MAP3K4: variants seen among roughly 807,000 people sequenced by gnomAD.
MAP3K4 encodes the protein mitogen-activated protein kinase kinase kinase 4, also known as MAP three kinase 1.
A neutral mutation model predicts 185.6 loss-of-function variants in MAP3K4; 67 were observed. The observed-to-expected ratio is 0.36, with a 90% confidence interval of 0.30 to 0.44. MAP3K4 has a LOEUF of 0.44. Among genes scored for constraint, MAP3K4 ranks in the 20% least tolerant of loss-of-function variants. MAP3K4 has a pLI of 1.00. For synonymous variants in MAP3K4, 702 were observed against 710.4 expected, an observed-to-expected ratio of 0.99 and a Z score of 0.19; for missense variants, 1,551 against 1,995.1, an observed-to-expected ratio of 0.78 and a Z score of 4.24.
In MAP3K4 at chr6:161,054,437, G is replaced by T. The variant is rs565383925; in HGVS notation, c.1707+4458G>T. ...CCCAAAGTGCTGGGATGATAGGTGTGAGCCACCGCGCCCGGCCCAAACTAA... is the reference window on the plus strand; with the variant it reads ...CCCAAAGTGCTGGGATGATAGGTGTTAGCCACCGCGCCCGGCCCAAACTAA... On this transcript the variant is annotated intron_variant, in intron 3 of 26. Transcript: ENST00000392142. The surrounding 1 kb of genome is among the most constrained non-coding windows in gnomAD (Gnocchi z 4.2). 2.0e-4 allele frequency among the ~76,000 whole-genome samples: 30 copies of T among 152,126 alleles called. No homozygotes were observed.
intron 13 of MAP3K4, 106 bp from the exon 14 acceptor site, chr6:161,092,872 C>A (rs551555334): frequency 1.5e-6 from 1 of 653,306 alleles, no homozygotes; most frequent in East Asian, 2.8e-5. Context: ...AGTGTCTTGT[C>A]CTAAATAGTA....
chr6:161,098,225 A>C lies in MAP3K4; in HGVS notation c.3525-53A>C. The C allele has an allele frequency of 6.7e-7, 1 of 1,497,224 alleles. No homozygotes were observed. Among genetic ancestry groups the C allele is most frequent in the Non-Finnish European group, 8.9e-7 (1 of 1,117,440 alleles). 92.7% of individuals were successfully genotyped at this position (1,497,224 alleles called of 1,614,324 possible). A position where few individuals can be genotyped will look rare whatever the true frequency, so the allele number is the denominator to read the frequency against. On this transcript the variant is annotated intron_variant, in intron 16 of 26. Coordinates refer to ENST00000392142, the MANE Select transcript of MAP3K4 (RefSeq NM_005922.4). The surrounding 1 kb of genome is among the most constrained non-coding windows in gnomAD (Gnocchi z 4.4). ...TTATTTTTAATTGAAAACAATTTTC[A>C]AGTCCGTTCCCTCTTCTCACATGTG...
At chr6:161,081,139 G>A (rs2114841608) in intron 6 of MAP3K4, 101 bp downstream of exon 6, 1 of 1,290,122 alleles carries the variant, frequency 7.8e-7, no homozygotes, top group East Asian at 2.5e-5. Context: ...TTAGTTACAT[G>A]AAAATTGCAG....
At chr6:161,016,864 G>A (rs1263025173) in intron 1 of MAP3K4, among the ~76,000 whole-genome samples, 2 of 152,162 alleles carry the variant, frequency 1.3e-5, no homozygotes, top group Non-Finnish European at 2.9e-5. Flanking sequence ...GCACATAATA[G>A]CTTTTTGTAA....
In MAP3K4 at chr6:161,116,745, A is replaced by G; in HGVS notation, c.4807-105A>G. 3 of 941,654 alleles carry G rather than the reference A, an allele frequency of 3.2e-6. No individual in the cohort carries two copies. The highest frequency in any genetic ancestry group is 2.1e-4 in the Middle Eastern group (1 of 4,668). 58.3% of individuals were successfully genotyped at this position (941,654 alleles called of 1,614,324 possible). ...CTGTGCCCAGTACAGTGCTGGGAGC[A>G]TCAGGATGAGTGGATGGGGCCTTCC... On this transcript the variant is annotated intron_variant, in intron 26 of 26. Transcript: ENST00000392142. The surrounding 1 kb of genome is among the most constrained non-coding windows in gnomAD (Gnocchi z 6.2).
intron 17 of MAP3K4, among the ~76,000 whole-genome samples, chr6:161,099,702 G>T (rs970054206): frequency 6.6e-6 from 1 of 152,224 alleles, no homozygotes. Flanking sequence ...CACACCTGCT[G>T]TGTCCATGTT....
chr6:161,017,773 T>TA lies in MAP3K4; in HGVS notation c.153-16485dup, dbSNP rs893739826. ...TAAAGACACTGCTGTGTGATCCTATTATATAATACTTAGCTACATCATGTA... is the reference window on the plus strand; with the variant it reads ...TAAAGACACTGCTGTGTGATCCTATTAATATAATACTTAGCTACATCATGTA... On this transcript the variant is annotated intron_variant, in intron 1 of 26. Coordinates refer to ENST00000392142, the MANE Select transcript of MAP3K4 (RefSeq NM_005922.4). This position sits in a 1 kb window ranked among gnomAD's most constrained non-coding sequence, Gnocchi z 5.1. Among the ~76,000 whole-genome samples the TA allele has an allele frequency of 3.3e-5, 5 of 152,274 alleles. No homozygotes were observed. The highest frequency in any genetic ancestry group is 7.2e-5 in the African/African-American group (3 of 41,574).
rs772681611 is a variant in MAP3K4, at chr6:161,070,732, C to T, written c.1832C>T (p.Ser611Leu). 5 of 1,614,044 alleles carry T rather than the reference C, an allele frequency of 3.1e-6. No individual in the cohort carries two copies. The highest frequency in any genetic ancestry group is 4.2e-6 in the Non-Finnish European group (5 of 1,180,040). The change falls in exon 4 of 27, where the codon TCA becomes TTA. Residue 611 changes from serine (S) to leucine (L), a missense_variant. By Grantham distance (145) the Ser-to-Leu change is moderately radical. Around this residue, in one of 16 missense-constraint regions of MAP3K4, gnomAD observed 27 missense variants for 64.4 expected, o/e 0.42. Coordinates refer to ENST00000392142, the MANE Select transcript of MAP3K4 (RefSeq NM_005922.4). The surrounding 1 kb of genome is among the most constrained non-coding windows in gnomAD (Gnocchi z 4.5). ...GAGCTGAAGGCCATGGATTTACCTTCATTCGAACCTGCCTTCCTAGTTCTC... is the reference window on the plus strand; with the variant it reads ...GAGCTGAAGGCCATGGATTTACCTTTATTCGAACCTGCCTTCCTAGTTCTC... ...WEELKAMDLP[S>L]FEPAFLVLCR...
rs1202769141 is a variant in MAP3K4 at position 161,108,070 on chromosome 6, T to C, written c.4119+101T>C. The C allele has an allele frequency of 1.9e-6, 2 of 1,027,368 alleles. No homozygotes were observed. 63.6% of individuals were successfully genotyped at this position (1,027,368 alleles called of 1,614,324 possible). On this transcript the variant is annotated intron_variant, in intron 21 of 26. Transcript: ENST00000392142. This position sits in a 1 kb window ranked among gnomAD's most constrained non-coding sequence, Gnocchi z 5.7. Reference sequence around the variant, plus strand: ...TGATTCAGTTCTCTGTGCGTAGAGCTGTCTTCAGCACCAGCACTGCGACAG... The same window carrying C: ...TGATTCAGTTCTCTGTGCGTAGAGCCGTCTTCAGCACCAGCACTGCGACAG...
intron 1 of MAP3K4, among the ~76,000 whole-genome samples, chr6:161,012,313 C>G (rs1032868649): frequency 1.3e-5 from 2 of 152,170 alleles, no homozygotes; most frequent in Admixed American, 1.3e-4. Context: ...CCTTTCCTCT[C>G]TTTTCTTTTG....
chr6:161,106,550 A>G lies in MAP3K4; in HGVS notation c.3893A>G (p.Gln1298Arg). 1 of 1,613,526 alleles carries G rather than the reference A, an allele frequency of 6.2e-7. No homozygotes were observed. The highest frequency in any genetic ancestry group is 1.3e-5 in the African/African-American group (1 of 75,032). Reference sequence around the variant, plus strand: ...AAACTAGGACCCATAGAAGCTATCCAGAAGTCAGTCCGATTGTTTGAAGAA... The same window carrying G: ...AAACTAGGACCCATAGAAGCTATCCGGAAGTCAGTCCGATTGTTTGAAGAA... ...ASKLGPIEAI[Q>R]KSVRLFEEKR... The change falls in exon 20 of 27, where the codon CAG becomes CGG. Residue 1298 changes from glutamine to arginine, a missense_variant. By Grantham distance (43) the Gln-to-Arg change is conservative. Transcript: ENST00000392142. The surrounding 1 kb of genome is among the most constrained non-coding windows in gnomAD (Gnocchi z 4.9).
rs537347061 is a variant in MAP3K4, at chr6:161,088,565, C to T, written c.2823+611C>T. Among the ~76,000 whole-genome samples the T allele has an allele frequency of 1.3e-5, 2 of 152,290 alleles. No individual in the cohort carries two copies. Among genetic ancestry groups the T allele is most frequent in the South Asian group, 4.1e-4 (2 of 4,826 alleles). ...TATTCCGTCTCAGTGAATGGTTCCGCGTTCACTCACATGTTTAAACCAGAA... is the reference window on the plus strand; with the variant it reads ...TATTCCGTCTCAGTGAATGGTTCCGTGTTCACTCACATGTTTAAACCAGAA... On this transcript the variant is annotated intron_variant, in intron 10 of 26. Coordinates refer to ENST00000392142, the MANE Select transcript of MAP3K4 (RefSeq NM_005922.4). This position sits in a 1 kb window ranked among gnomAD's most constrained non-coding sequence, Gnocchi z 4.5.
chr6:161,035,531 C>T (rs1783124295), intron 2 of MAP3K4, among the ~76,000 whole-genome samples: 1 of 152,154 alleles, frequency 6.6e-6, no homozygotes. Flanking sequence ...GGGAAGTTCC[C>T]AAGCAGGAAA....
intron 1 of MAP3K4, 140 bp downstream of exon 1, chr6:160,992,223 G>T (rs964262380): frequency 1.3e-5 from 16 of 1,204,812 alleles, no homozygotes; most frequent in Non-Finnish European, 1.8e-5. Context: ...CGGGAGGGGC[G>T]CGGTGCATCC....
Position 161,063,230 on chromosome 6 carries a change from C to A in MAP3K4, c.1708-7378C>A, listed in dbSNP as rs1448351680. The stretch of plus-strand genomic sequence containing the variant: ...TTTTTTTTCTAATTCTAATTTTTGT[C>A]ATTATTTTATATTTTTTATGATTTT... On this transcript the variant is annotated intron_variant, in intron 3 of 26. Coordinates refer to ENST00000392142, the MANE Select transcript of MAP3K4 (RefSeq NM_005922.4). This position sits in a 1 kb window ranked among gnomAD's most constrained non-coding sequence, Gnocchi z 5.4. Among the ~76,000 whole-genome samples, 1 of 151,600 alleles carries A rather than the reference C, an allele frequency of 6.6e-6. No homozygotes were observed. The highest frequency in any genetic ancestry group is 1.5e-5 in the Non-Finnish European group (1 of 67,884).
chr6:160,999,613 G>A (rs1338881553), intron 1 of MAP3K4, among the ~76,000 whole-genome samples: 3 of 152,180 alleles, frequency 2.0e-5, no homozygotes, highest in Admixed American at 2.0e-4. Flanking sequence ...TGAGAAAAAT[G>A]GCCTAGAGGG....
Position 161,115,212 on chromosome 6 carries a change from T to C in MAP3K4, c.4716T>C (p.Pro1572=). 6.2e-7 allele frequency: 1 copy of C among 1,614,156 alleles called. No homozygotes were observed. Among genetic ancestry groups the C allele is most frequent in the Non-Finnish European group, 8.5e-7 (1 of 1,179,988 alleles). ...CACCAATCCCTGAAAGATTAAGCCC[T>C]GAAGGAAAGGACTTCCTTTCTCACT... ...HKPPIPERLS[P]EGKDFLSHCL... Residue 1572 remains proline, a synonymous_variant, in exon 26 of 27, where the codon CCT becomes CCC. Transcript: ENST00000392142. The surrounding 1 kb of genome is among the most constrained non-coding windows in gnomAD (Gnocchi z 6.0).
chr6:161,106,078 C>T lies in MAP3K4; in HGVS notation c.3857-436C>T, dbSNP rs1346985376. Among the ~76,000 whole-genome samples, 1 of 152,088 alleles carries T rather than the reference C, an allele frequency of 6.6e-6. No individual in the cohort carries two copies. The highest frequency in any genetic ancestry group is 2.4e-5 in the African/African-American group (1 of 41,406). On this transcript the variant is annotated intron_variant, in intron 19 of 26. Transcript: ENST00000392142. The surrounding 1 kb of genome is among the most constrained non-coding windows in gnomAD (Gnocchi z 4.9). ...TCTTGAACTCCTAGGCTCAAGTGAT[C>T]TGCCCACCTCACCTCCCAAAGTGCT...
In MAP3K4 at chr6:161,051,813, G is replaced by A. The variant is rs566026065; in HGVS notation, c.1707+1834G>A. 7.2e-5 allele frequency among the ~76,000 whole-genome samples: 11 copies of A among 152,208 alleles called. No individual in the cohort carries two copies. The South Asian group carries it at 2.1e-3, about 29-fold the overall frequency. On this transcript the variant is annotated intron_variant, in intron 3 of 26. Coordinates refer to ENST00000392142, the MANE Select transcript of MAP3K4 (RefSeq NM_005922.4). This position sits in a 1 kb window ranked among gnomAD's most constrained non-coding sequence, Gnocchi z 4.2. ...TAATACCTAATACAATGTAAATGCT[G>A]TGTAAATAGTTGTTATACTGTATCT...
Sources: gnomAD v4.1 joint callset for allele counts (sites outside exome capture counted in the v4.1 genomes callset) on GRCh38, gnomAD v4.1.1 for gene constraint, gnomAD v4.1.1 regional missense constraint, Gnocchi (gnomAD v3.1) non-coding constraint, MANE v1.5 for transcripts, NCBI Gene and HGNC (gene_info 2026-07-23, HGNC 2026-07-21) for gene names.